The following ST7 variants were observed in gnomAD, a reference collection of about 807,000 sequenced individuals.
ST7 encodes suppression of tumorigenicity 7.
Under a neutral mutation model 78.7 loss-of-function variants are expected in ST7, and 28 were observed. The observed-to-expected ratio is 0.36, with a 90% CI of 0.26 to 0.49. The LOEUF (loss-of-function observed/expected upper bound fraction) is 0.49. Among genes scored for constraint, ST7 ranks in the 20% least tolerant of loss-of-function variants. ST7 has a pLI of 0.99. For synonymous variants in ST7, 247 were observed against 249.6 expected, an observed-to-expected ratio of 0.99 and a Z score of 0.10; for missense variants, 418 against 696.0, an observed-to-expected ratio of 0.60 and a Z score of 4.49.
chr7:117,206,906 A>G (rs890004912), intron 12 of ST7, among the ~76,000 whole-genome samples: 1 of 152,220 alleles, frequency 6.6e-6, no homozygotes, highest in African/African-American at 2.4e-5. Flanking sequence ...GCATTGTCCA[A>G]TACAGTAGTT....
chr7:117,179,694 C>T (rs1248828361), intron 10 of ST7, among the ~76,000 whole-genome samples: 6 of 135,282 alleles, frequency 4.4e-5, no homozygotes, highest in Non-Finnish European at 7.8e-5. Flanking sequence ...GGTGAGTTAG[C>T]TGGGGGTGTG....
intron 10 of ST7, among the ~76,000 whole-genome samples, chr7:117,183,100 T>TTCTGTTTG (rs1808913013): frequency 6.6e-6 from 1 of 152,022 alleles, no homozygotes; most frequent in African/African-American, 2.4e-5. Flanking sequence ...TTTTAGGTTT[T>TTCTGTTTG]TTTGTTTGTT....
intron 13 of ST7, among the ~76,000 whole-genome samples, chr7:117,217,888 A>G (rs1792813180): frequency 6.6e-6 from 1 of 151,608 alleles, no homozygotes. Flanking sequence ...CTGCATTCCA[A>G]ATGCTGGAAT....
intron 2 of ST7, among the ~76,000 whole-genome samples, chr7:117,118,762 C>A (rs1028363374): frequency 6.6e-6 from 1 of 152,128 alleles, no homozygotes; most frequent in African/African-American, 2.4e-5. Context: ...GCAGAGATCC[C>A]AGGTAAGAAG....
chr7:117,115,754 T>C (rs1209601793), intron 2 of ST7, among the ~76,000 whole-genome samples: 1 of 152,112 alleles, frequency 6.6e-6, no homozygotes, highest in Admixed American at 6.5e-5. Flanking sequence ...TGGATTTTTT[T>C]CCCCTAACAC....
At chr7:117,223,461 G>C (rs1396874958) in intron 15 of ST7, 1 of 164,960 alleles carries the variant, frequency 6.1e-6, no homozygotes, top group African/African-American at 2.4e-5. Flanking sequence ...TCTGGCCCTT[G>C]CTTACCTCTC....
chr7:117,026,258 T>C (rs2116094392), intron 1 of ST7, among the ~76,000 whole-genome samples: 1 of 152,340 alleles, frequency 6.6e-6, no homozygotes. Flanking sequence ...GTTCAAATAC[T>C]GTTAAATTTT....
chr7:117,189,232 T>G, intron 10 of ST7, 89 bp from the exon 11 acceptor site: 1 of 836,220 alleles, frequency 1.2e-6, no homozygotes, highest in African/African-American at 1.7e-5. Context: ...TTATTGCACT[T>G]AAACGTGATT....
chr7:117,109,209 C>G (rs182165378), intron 2 of ST7, among the ~76,000 whole-genome samples: 1 of 152,278 alleles, frequency 6.6e-6, no homozygotes, highest in Non-Finnish European at 1.5e-5. Context: ...TTTCCTCGTT[C>G]AGTATAATGT....
chr7:116,997,876 A>G (rs1794739152), intron 1 of ST7, among the ~76,000 whole-genome samples: 1 of 152,238 alleles, frequency 6.6e-6, no homozygotes, highest in African/African-American at 2.4e-5. Context: ...ACAATCCCTT[A>G]GCTAGACATA....
intron 9 of ST7, among the ~76,000 whole-genome samples, chr7:117,169,849 G>A (rs1279489692): frequency 6.8e-6 from 1 of 146,022 alleles, no homozygotes; most frequent in Non-Finnish European, 1.5e-5. Context: ...CCACTGTGTG[G>A]CTGTTTTTCA....
chr7:117,201,632 C>A (rs1462885166), intron 12 of ST7, among the ~76,000 whole-genome samples: 1 of 151,654 alleles, frequency 6.6e-6, no homozygotes, highest in East Asian at 1.9e-4. Flanking sequence ...TATCATGGCT[C>A]ACTGCAGCCT....
At chr7:117,089,577 T>G (rs990542698) in intron 1 of ST7, among the ~76,000 whole-genome samples, 4 of 150,478 alleles carry the variant, frequency 2.7e-5, no homozygotes, top group African/African-American at 7.3e-5. Context: ...TTTTTTTGTT[T>G]TTTTTTTTTT....
At chr7:117,060,463 C>T (rs897214034) in intron 1 of ST7, among the ~76,000 whole-genome samples, 2 of 152,062 alleles carry the variant, frequency 1.3e-5, no homozygotes, top group African/African-American at 2.4e-5. Flanking sequence ...ACAATCTTAT[C>T]AAGTCATTAC....
chr7:117,017,212 C>T (rs1026319035), intron 1 of ST7, among the ~76,000 whole-genome samples: 4 of 152,170 alleles, frequency 2.6e-5, no homozygotes, highest in Non-Finnish European at 5.9e-5. Context: ...TATCTTTGTT[C>T]ATCACATATA....
intron 1 of ST7, chr7:116,966,044 A>G (rs1793093236): frequency 1.1e-5 from 5 of 453,506 alleles, no homozygotes; most frequent in Non-Finnish European, 2.3e-5. Flanking sequence ...TTCATACCCA[A>G]CTAACTTTCT....
At chr7:117,193,579 C>T (rs1458328908) in intron 12 of ST7, among the ~76,000 whole-genome samples, 1 of 152,212 alleles carries the variant, frequency 6.6e-6, no homozygotes, top group Non-Finnish European at 1.5e-5. Flanking sequence ...AAATGTTGCC[C>T]TCTACTGCCT....
intron 10 of ST7, among the ~76,000 whole-genome samples, chr7:117,183,824 A>G (rs1808991310): frequency 6.6e-6 from 1 of 152,194 alleles, no homozygotes; most frequent in Non-Finnish European, 1.5e-5. Flanking sequence ...TTTCTTCATA[A>G]TAGTCCAAAG....
Position 117,097,037 on chromosome 7 carries a change from A to T in ST7, c.152-2725A>T, listed in dbSNP as rs1043956786. 3.9e-5 allele frequency among the ~76,000 whole-genome samples: 6 copies of T among 152,164 alleles called. No individual in the cohort carries two copies. In the East Asian group the frequency reaches 7.7e-4, roughly 20 times the overall value. On this transcript the variant is annotated intron_variant, in intron 1 of 15. Transcript: ENST00000323984. ...GGAATCTTTATTTTTAATCTCTTTTAAAAAAACTCAATTTTTTTTTTCACT... is the reference window on the plus strand; with the variant it reads ...GGAATCTTTATTTTTAATCTCTTTTTAAAAAACTCAATTTTTTTTTTCACT...
Sources: allele counts gnomAD v4.1 joint callset (sites outside exome capture counted in the v4.1 genomes callset), GRCh38; gene constraint gnomAD v4.1.1; transcripts MANE v1.5; gene names NCBI Gene and HGNC (gene_info 2026-07-23, HGNC 2026-07-21).